TCF12: variants seen among roughly 807,000 people sequenced by gnomAD.
The protein encoded by TCF12 is transcription factor 12, also known as DNA-binding protein HTF4.
A neutral mutation model predicts 86.0 loss-of-function variants in TCF12; 45 were observed. The observed-to-expected ratio is 0.52, with a 90% CI of 0.41 to 0.67. TCF12 has a LOEUF of 0.67. Among genes scored for constraint, TCF12 ranks in the 30% least tolerant of loss-of-function variants. The pLI is 0.00. For missense variants in TCF12, 881 were observed against 859.9 expected, an observed-to-expected ratio of 1.02 and a Z score of -0.31; for synonymous variants, 330 against 299.6, an observed-to-expected ratio of 1.10 and a Z score of -1.05.
At chr15:57,091,520 A>G (rs1188185835) in intron 4 of TCF12, among the ~76,000 whole-genome samples, 2 of 152,216 alleles carry the variant, frequency 1.3e-5, no homozygotes, top group East Asian at 3.8e-4. Flanking sequence ...AGAGCTGATG[A>G]TACTTTGAAA....
chr15:57,085,910 A>G (rs1175875298), intron 4 of TCF12, among the ~76,000 whole-genome samples: 4 of 152,132 alleles, frequency 2.6e-5, no homozygotes, highest in African/African-American at 9.7e-5. Context: ...TTTGAATACC[A>G]GAAACCCGTG....
intron 3 of TCF12, among the ~76,000 whole-genome samples, chr15:57,057,626 T>G (rs1172759140): frequency 1.4e-5 from 2 of 141,004 alleles, no homozygotes; most frequent in Non-Finnish European, 3.0e-5. Flanking sequence ...GGAGATGAGT[T>G]CAGAGAGGTG....
chr15:56,939,593 A>G (rs2060633879), intron 3 of TCF12, among the ~76,000 whole-genome samples: 1 of 152,196 alleles, frequency 6.6e-6, no homozygotes, highest in Non-Finnish European at 1.5e-5. Flanking sequence ...AGTGCTTTAC[A>G]CTTGTGTTTC....
At chr15:57,060,214 C>T (rs986298877) in intron 3 of TCF12, among the ~76,000 whole-genome samples, 35 of 152,072 alleles carry the variant, frequency 2.3e-4, no homozygotes, top group African/African-American at 8.5e-4. Flanking sequence ...AATGTTTTCA[C>T]AAAAGAAAGA....
intron 4 of TCF12, among the ~76,000 whole-genome samples, chr15:57,086,054 G>A (rs1438687914): frequency 6.6e-6 from 1 of 151,926 alleles, no homozygotes; most frequent in Non-Finnish European, 1.5e-5. Flanking sequence ...AGATTTAGCA[G>A]CTAAAACCTC....
chr15:56,951,093 T>C (rs1337981076), intron 3 of TCF12, among the ~76,000 whole-genome samples: 1 of 152,156 alleles, frequency 6.6e-6, no homozygotes, highest in Non-Finnish European at 1.5e-5. Context: ...TATGTGGACA[T>C]TCATATGGTA....
At chr15:57,113,112 G>T (rs933907669) in intron 5 of TCF12, among the ~76,000 whole-genome samples, 12 of 152,022 alleles carry the variant, frequency 7.9e-5, no homozygotes, top group Admixed American at 3.3e-4. Flanking sequence ...CTCAAGCTTT[G>T]TTTTTTTCTC....
At chr15:57,082,631 A>T (rs1375507273) in intron 4 of TCF12, among the ~76,000 whole-genome samples, 2 of 152,214 alleles carry the variant, frequency 1.3e-5, no homozygotes, top group African/African-American at 4.8e-5. Flanking sequence ...CAAATTACAT[A>T]CAACTTACAA....
chr15:57,162,773 A>G (rs2054589285), intron 5 of TCF12, among the ~76,000 whole-genome samples: 2 of 152,216 alleles, frequency 1.3e-5, no homozygotes, highest in South Asian at 2.1e-4. Flanking sequence ...AAAGCTGTAC[A>G]TTATTAAAAA....
chr15:57,188,326 G>C (rs1465813475), intron 6 of TCF12, among the ~76,000 whole-genome samples: 1 of 151,836 alleles, frequency 6.6e-6, no homozygotes, highest in Non-Finnish European at 1.5e-5. Flanking sequence ...AATTAAACAA[G>C]ACTTAAATAA....
chr15:57,127,290 A>G (rs1256266208), intron 5 of TCF12, among the ~76,000 whole-genome samples: 1 of 151,204 alleles, frequency 6.6e-6, no homozygotes, highest in Non-Finnish European at 1.5e-5. Flanking sequence ...GCCCGCTTGT[A>G]CTCTTTCTTC....
intron 8 of TCF12, among the ~76,000 whole-genome samples, chr15:57,227,082 T>TTCAGCCCTTTAAGGTGGC (rs1349678054): frequency 6.6e-6 from 1 of 152,122 alleles, no homozygotes; most frequent in Non-Finnish European, 1.5e-5. Flanking sequence ...TCTTCATCCC[T>TTCAGCCCTTTAAGGTGGC]TGGTACCTTA....
intron 3 of TCF12, among the ~76,000 whole-genome samples, chr15:57,012,596 A>T (rs1490505179): frequency 6.6e-6 from 1 of 152,218 alleles, no homozygotes; most frequent in African/African-American, 2.4e-5. Flanking sequence ...CATCTGTGAA[A>T]CAGAGGGGAA....
chr15:57,137,895 C>T (rs1437644870), intron 5 of TCF12, among the ~76,000 whole-genome samples: 2 of 152,016 alleles, frequency 1.3e-5, no homozygotes, highest in Admixed American at 6.6e-5. Context: ...GGCATGGTGG[C>T]AGGCATCTGT....
chr15:57,257,358 G>C (rs527846726), intron 16 of TCF12, among the ~76,000 whole-genome samples: 1 of 152,142 alleles, frequency 6.6e-6, no homozygotes, highest in Non-Finnish European at 1.5e-5. Flanking sequence ...AGAGTTGATG[G>C]CAGGATAAAA....
At chr15:56,997,808 C>T (rs1596029493) in intron 3 of TCF12, among the ~76,000 whole-genome samples, 2 of 152,104 alleles carry the variant, frequency 1.3e-5, no homozygotes, top group Non-Finnish European at 2.9e-5. Context: ...CCACTTTATG[C>T]TGTCTATTGG....
intron 5 of TCF12, among the ~76,000 whole-genome samples, chr15:57,117,128 T>C (rs1303489992): frequency 6.6e-6 from 1 of 152,124 alleles, no homozygotes; most frequent in African/African-American, 2.4e-5. Flanking sequence ...CTTTTTCATT[T>C]TGAGACAGGG....
At chr15:57,007,326 G>A (rs1283409308) in intron 3 of TCF12, among the ~76,000 whole-genome samples, 3 of 152,142 alleles carry the variant, frequency 2.0e-5, no homozygotes, top group Non-Finnish European at 4.4e-5. Flanking sequence ...ACAACTATTT[G>A]TAGAAAGACA....
intron 3 of TCF12, among the ~76,000 whole-genome samples, chr15:56,937,221 T>A (rs1362218026): frequency 1.3e-5 from 2 of 152,184 alleles, no homozygotes; most frequent in African/African-American, 4.8e-5. Context: ...GTATTAAATT[T>A]TTTTGGCTGC....
Sources: allele counts gnomAD v4.1 joint callset (sites outside exome capture counted in the v4.1 genomes callset), GRCh38; gene constraint gnomAD v4.1.1; transcripts MANE v1.5; gene names NCBI Gene and HGNC (gene_info 2026-07-23, HGNC 2026-07-21).